Variants in ITSN2 observed in about 807,000 individuals in gnomAD.
ITSN2 encodes the protein intersectin-2.
In ITSN2, 156 loss-of-function variants were observed where a neutral mutation model predicts 243.7. The ratio of observed to expected loss-of-function variants is 0.64; its 90% CI spans 0.56 to 0.73. The LOEUF (loss-of-function observed/expected upper bound fraction) is 0.73. Ranked by LOEUF, ITSN2 falls within the 30% of genes least tolerant of loss-of-function variation. The pLI is 0.00. For missense variants in ITSN2, 1,801 were observed against 1,996.1 expected, an observed-to-expected ratio of 0.90 and a Z score of 1.86; for synonymous variants, 703 against 699.9, an observed-to-expected ratio of 1.00 and a Z score of -0.07.
chr2:24,222,668 C>CTTTTTTTT (rs56149622), intron 29 of ITSN2, among the ~76,000 whole-genome samples: 3 of 77,264 alleles, frequency 3.9e-5, no homozygotes, highest in East Asian at 3.8e-4. Context: ...TTTTTCTTTT[C>CTTTTTTTT]TTTTTTTTTT....
intron 2 of ITSN2, among the ~76,000 whole-genome samples, chr2:24,326,144 A>G (rs975504799): frequency 1.3e-5 from 2 of 152,316 alleles, no homozygotes; most frequent in South Asian, 2.1e-4. Context: ...CAATCTTCTA[A>G]GTAGGAAGGT....
intron 2 of ITSN2, among the ~76,000 whole-genome samples, chr2:24,319,133 G>A (rs1684266089): frequency 6.6e-6 from 1 of 152,190 alleles, no homozygotes; most frequent in Non-Finnish European, 1.5e-5. Context: ...AAAGGTTGGG[G>A]ACCAGTGATC....
intron 13 of ITSN2, 142 bp from the exon 14 acceptor site, chr2:24,295,946 G>A: frequency 1.7e-6 from 1 of 574,866 alleles, no homozygotes; most frequent in Non-Finnish European, 2.8e-6. Flanking sequence ...AAAACCAAGT[G>A]GAATGTGTTT....
At position 24,353,921 on chromosome 2, in the gene ITSN2, A is replaced by G. The variant is rs562547017; in HGVS notation, c.-34+6383T>C. On this transcript the variant is annotated intron_variant, in intron 1 of 39. Coordinates refer to ENST00000355123, the MANE Select transcript of ITSN2 (RefSeq NM_006277.3). ...AAGTATCATGCTTCCACTTAAAATC[A>G]AATTCATATGATATGTGAATTAAAT... is the stretch of plus-strand genomic sequence containing the variant. Among the ~76,000 whole-genome samples, 60 of 152,354 alleles carry G rather than the reference A, an allele frequency of 3.9e-4. No individual in the cohort carries two copies. The South Asian group carries it at 7.7e-3, about 19-fold the overall frequency.
At chr2:24,287,118 T>C (rs1248929042) in intron 15 of ITSN2, among the ~76,000 whole-genome samples, 2 of 152,180 alleles carry the variant, frequency 1.3e-5, no homozygotes, top group African/African-American at 2.4e-5. Context: ...GGCATTTACA[T>C]TTAGATGTGT....
intron 18 of ITSN2, among the ~76,000 whole-genome samples, chr2:24,274,073 C>T (rs185149944): frequency 2.6e-5 from 4 of 152,186 alleles, no homozygotes; most frequent in Admixed American, 2.0e-4. Context: ...ATTGTGAACA[C>T]GATGAAGAAA....
chr2:24,214,992 T>C (rs555542643), intron 32 of ITSN2, among the ~76,000 whole-genome samples: 1 of 152,350 alleles, frequency 6.6e-6, no homozygotes, highest in South Asian at 2.1e-4. Flanking sequence ...ATAATAATAG[T>C]TTCTACTACT....
chr2:24,340,208 G>A (rs537437269), intron 1 of ITSN2, among the ~76,000 whole-genome samples: 43 of 152,078 alleles, frequency 2.8e-4, no homozygotes, highest in Admixed American at 1.2e-3. Context: ...TTGGCAGGGC[G>A]CGGTGGCTCA....
At chr2:24,252,916 A>T (rs1000425653) in intron 24 of ITSN2, among the ~76,000 whole-genome samples, 3 of 152,192 alleles carry the variant, frequency 2.0e-5, no homozygotes, top group African/African-American at 7.2e-5. Context: ...GAAATAGTTT[A>T]ATCTGCTATA....
intron 2 of ITSN2, among the ~76,000 whole-genome samples, chr2:24,326,078 T>C (rs1685131514): frequency 6.6e-6 from 1 of 152,190 alleles, no homozygotes; most frequent in Non-Finnish European, 1.5e-5. Flanking sequence ...AATGCTGCTC[T>C]CAGTAACATC....
At chr2:24,320,178 A>C (rs1459341890) in intron 2 of ITSN2, among the ~76,000 whole-genome samples, 1 of 150,740 alleles carries the variant, frequency 6.6e-6, no homozygotes, top group African/African-American at 2.4e-5. Flanking sequence ...GGAGTTTGAG[A>C]CCAGCCTGGG....
chr2:24,216,220 C>T lies in ITSN2; in HGVS notation c.3819G>A (p.Val1273=). 6.2e-7 allele frequency: 1 copy of T among 1,602,382 alleles called. No homozygotes were observed. Among genetic ancestry groups the T allele is most frequent in the South Asian group, 1.1e-5 (1 of 89,176 alleles). Residue 1273 remains valine (V), a synonymous_variant, in exon 32 of 40, where the codon GTG becomes GTA. Transcript: ENST00000355123. ...TCTTCTCGCCCCCGGTCTTCTTCCG[C>T]ACCCGCAAAGCCCTGCCAAGAACAC... ...SNTKLLKALR[V]RKKTGGEKMP...
At chr2:24,334,879 A>T (rs13000225) in intron 1 of ITSN2, 9 of 493,736 alleles carry the variant, frequency 1.8e-5, no homozygotes, top group East Asian at 1.4e-4. Flanking sequence ...CTGGCTAACA[A>T]GGTGAAACCC....
intron 1 of ITSN2, chr2:24,330,324 G>A (rs1001255790): frequency 7.0e-6 from 3 of 429,772 alleles, no homozygotes; most frequent in African/African-American, 4.1e-5. Context: ...ACGCGAGAAC[G>A]AACCCCGGAC....
intron 1 of ITSN2, among the ~76,000 whole-genome samples, chr2:24,348,695 C>T (rs945256244): frequency 3.3e-5 from 5 of 152,132 alleles, no homozygotes; most frequent in Admixed American, 1.3e-4. Context: ...TGCCATACCC[C>T]ATAAGGGCCT....
intron 1 of ITSN2, among the ~76,000 whole-genome samples, chr2:24,329,552 C>G (rs564680082): frequency 4.6e-5 from 7 of 152,284 alleles, no homozygotes; most frequent in Non-Finnish European, 8.8e-5. Flanking sequence ...GGATTACAGG[C>G]CACTGTGTCC....
chr2:24,335,700 G>A lies in ITSN2; in HGVS notation c.-33-7585C>T, dbSNP rs1001789476. Among the ~76,000 whole-genome samples, 6 of 151,246 alleles carry A rather than the reference G, an allele frequency of 4.0e-5. No homozygotes were observed. In the East Asian group the frequency reaches 5.9e-4, roughly 15 times the overall value. On this transcript the variant is annotated intron_variant, in intron 1 of 39. Transcript: ENST00000355123. Reference sequence around the variant, plus strand: ...TATCCCCCAGGCTGGAGTGCAGTGCGCCATCTTGGCTCACTGCAACCTCCG... The same window carrying A: ...TATCCCCCAGGCTGGAGTGCAGTGCACCATCTTGGCTCACTGCAACCTCCG...
At chr2:24,267,145 C>G (rs1260624250) in intron 20 of ITSN2, among the ~76,000 whole-genome samples, 3 of 151,836 alleles carry the variant, frequency 2.0e-5, no homozygotes, top group African/African-American at 7.3e-5. Flanking sequence ...AACAGAAAAC[C>G]AAACACCACA....
chr2:24,274,453 T>A (rs1054944640), intron 18 of ITSN2, among the ~76,000 whole-genome samples: 2 of 152,036 alleles, frequency 1.3e-5, no homozygotes, highest in African/African-American at 4.8e-5. Context: ...ATGCCTATAT[T>A]CCCAGTTACT....
Sources: allele counts gnomAD v4.1 joint callset (sites outside exome capture counted in the v4.1 genomes callset), GRCh38; gene constraint gnomAD v4.1.1; transcripts MANE v1.5; gene names NCBI Gene and HGNC (gene_info 2026-07-23, HGNC 2026-07-21).